Variants in CLASP2 observed in about 807,000 individuals in gnomAD.
CLASP2 encodes the protein cytoplasmic linker associated protein 2.
A neutral mutation model predicts 194.4 loss-of-function variants in CLASP2; 47 were observed. The observed-to-expected ratio is 0.24, with a 90% CI of 0.19 to 0.31. The LOEUF (loss-of-function observed/expected upper bound fraction) is 0.31. Among genes scored for constraint, CLASP2 ranks in the 10% least tolerant of loss-of-function variants. CLASP2 has a pLI of 1.00. For synonymous variants in CLASP2, 619 were observed against 633.5 expected (o/e 0.98, Z 0.34); for missense variants, 1,445 against 1,823.6 (o/e 0.79, Z 3.78).
intron 6 of CLASP2, among the ~76,000 whole-genome samples, chr3:33,670,123 C>T (rs1336586248): frequency 2.0e-5 from 3 of 152,028 alleles, no homozygotes; most frequent in Non-Finnish European, 4.4e-5. Flanking sequence ...TATATATACA[C>T]ACACACACGT....
rs998299793 is a variant in CLASP2, at chr3:33,604,145, G to T, written c.1750+9C>A. 43 of 1,547,732 alleles carry T rather than the reference G, an allele frequency of 2.8e-5. No homozygotes were observed. Among genetic ancestry groups the T allele is most frequent in the Non-Finnish European group, 3.6e-5 (41 of 1,142,672 alleles). On this transcript the variant is annotated intron_variant, in intron 17 of 38. Transcript: ENST00000682230. The stretch of plus-strand genomic sequence containing the variant: ...ATAGGTTATAACTCTTATTTAAAGA[G>T]AAAATTACCTCTTCCAGCCACAGTT...
chr3:33,716,406 T>C (rs868008530), intron 1 of CLASP2, among the ~76,000 whole-genome samples: 1 of 152,194 alleles, frequency 6.6e-6, no homozygotes, highest in Non-Finnish European at 1.5e-5. Context: ...ATCAGCGTGA[T>C]TGCTCAACTG....
At chr3:33,673,060 G>A (rs1457116029) in intron 6 of CLASP2, among the ~76,000 whole-genome samples, 4 of 152,112 alleles carry the variant, frequency 2.6e-5, no homozygotes, top group Non-Finnish European at 4.4e-5. Flanking sequence ...TAGCAAGGCA[G>A]GCCAACATTC....
intron 18 of CLASP2, among the ~76,000 whole-genome samples, chr3:33,601,453 T>C (rs1423828398): frequency 6.6e-6 from 1 of 152,232 alleles, no homozygotes; most frequent in Non-Finnish European, 1.5e-5. Context: ...TAAGCTCATC[T>C]GTTTTTAACA....
At chr3:33,573,429 A>G in intron 24 of CLASP2, 75 bp from the exon 25 acceptor site, 1 of 1,448,280 alleles carries the variant, frequency 6.9e-7, no homozygotes. Flanking sequence ...ACTGACCACA[A>G]AAGGATTGAT....
chr3:33,561,684 G>A (rs950503898), intron 27 of CLASP2, among the ~76,000 whole-genome samples: 11 of 151,846 alleles, frequency 7.2e-5, no homozygotes, highest in African/African-American at 2.7e-4. Flanking sequence ...ATTTTTATAA[G>A]GTAGAAAAAA....
intron 33 of CLASP2, 72 bp from the exon 34 acceptor site, chr3:33,535,533 T>G: frequency 8.2e-7 from 1 of 1,215,916 alleles, no homozygotes; most frequent in South Asian, 1.5e-5. Context: ...TCTAAAAAGA[T>G]ATTTCTCTAC....
chr3:33,704,798 C>T (rs1018317133), intron 1 of CLASP2, among the ~76,000 whole-genome samples: 1 of 151,652 alleles, frequency 6.6e-6, no homozygotes, highest in Non-Finnish European at 1.5e-5. Context: ...CTTATAAGCA[C>T]ATGAAAAGAT....
At chr3:33,589,417 C>T (rs1019383725) in intron 21 of CLASP2, among the ~76,000 whole-genome samples, 1 of 151,960 alleles carries the variant, frequency 6.6e-6, no homozygotes, top group African/African-American at 2.4e-5. Flanking sequence ...CATGCAAGCC[C>T]TAATGAATTA....
At chr3:33,529,510 T>TA (rs2055584956) in intron 34 of CLASP2, among the ~76,000 whole-genome samples, 1 of 152,156 alleles carries the variant, frequency 6.6e-6, no homozygotes, top group South Asian at 2.1e-4. Flanking sequence ...AGCCAGAAAT[T>TA]AGACTGCAAA....
At chr3:33,616,195 C>T (rs1197580023) in intron 12 of CLASP2, among the ~76,000 whole-genome samples, 3 of 152,030 alleles carry the variant, frequency 2.0e-5, no homozygotes, top group Non-Finnish European at 2.9e-5. Context: ...CAGCTGGGTG[C>T]AGGAGCTCAC....
chr3:33,647,632 C>T (rs1429261814), intron 7 of CLASP2, among the ~76,000 whole-genome samples: 11 of 152,282 alleles, frequency 7.2e-5, no homozygotes, highest in African/African-American at 2.2e-4. Context: ...TGTAAACAAA[C>T]GAGTGCAGTT....
At chr3:33,540,807 C>G (rs981662664) in intron 32 of CLASP2, among the ~76,000 whole-genome samples, 2 of 146,338 alleles carry the variant, frequency 1.4e-5, no homozygotes, top group Non-Finnish European at 3.0e-5. Context: ...GAGCCTTGCT[C>G]TGTGACTTAG....
chr3:33,639,658 T>G (rs759433890), intron 8 of CLASP2, among the ~76,000 whole-genome samples: 1 of 152,172 alleles, frequency 6.6e-6, no homozygotes, highest in South Asian at 2.1e-4. Flanking sequence ...AAATAATTTA[T>G]ATGTTATTTA....
chr3:33,667,228 A>G (rs969196831), intron 6 of CLASP2, among the ~76,000 whole-genome samples: 6 of 152,046 alleles, frequency 3.9e-5, no homozygotes, highest in Non-Finnish European at 8.8e-5. Context: ...CCTGGCCAAC[A>G]TGGTGAAACC....
At chr3:33,507,972 G>A (rs567191846) in intron 37 of CLASP2, among the ~76,000 whole-genome samples, 9 of 148,416 alleles carry the variant, frequency 6.1e-5, no homozygotes, top group South Asian at 2.1e-4. Context: ...ATATATATAT[G>A]TGTGTGTGTG....
chr3:33,507,538 G>A (rs938908748), intron 37 of CLASP2, among the ~76,000 whole-genome samples: 1 of 152,162 alleles, frequency 6.6e-6, no homozygotes, highest in African/African-American at 2.4e-5. Flanking sequence ...CTGAAGTGCA[G>A]TGGTATGATT....
chr3:33,642,249 T>A (rs1431674582), intron 8 of CLASP2, among the ~76,000 whole-genome samples: 1 of 151,862 alleles, frequency 6.6e-6, no homozygotes, highest in African/African-American at 2.4e-5. Flanking sequence ...AAGATATATA[T>A]AAAAGAATGC....
chr3:33,576,068 G>T, intron 24 of CLASP2, 101 bp downstream of exon 24: 2 of 800,470 alleles, frequency 2.5e-6, no homozygotes, highest in South Asian at 1.8e-5. Flanking sequence ...TTTAATCACT[G>T]ATTTTTCCCC....
Sources: allele counts gnomAD v4.1 joint callset (sites outside exome capture counted in the v4.1 genomes callset), GRCh38; gene constraint gnomAD v4.1.1; transcripts MANE v1.5; gene names NCBI Gene and HGNC (gene_info 2026-07-23, HGNC 2026-07-21).